Variants in NRG4 observed in about 807,000 individuals in gnomAD.
NRG4 encodes pro-neuregulin-4, membrane-bound isoform.
In NRG4, 10 loss-of-function variants were observed where a neutral mutation model predicts 15.0. The observed-to-expected ratio is 0.67, with a 90% CI of 0.41 to 1.13. The LOEUF (loss-of-function observed/expected upper bound fraction) is 1.13. Among genes scored for constraint, NRG4 ranks in the 50% most tolerant of loss-of-function variants. NRG4 has a pLI of 0.00. For synonymous variants in NRG4, 41 were observed against 50.1 expected (o/e 0.82, Z 0.77); for missense variants, 139 against 140.2 (o/e 0.99, Z 0.04).
intron 5 of NRG4, among the ~76,000 whole-genome samples, chr15:76,028,291 A>T (rs915596598): frequency 1.7e-4 from 26 of 151,986 alleles, no homozygotes; most frequent in African/African-American, 6.0e-4. Flanking sequence ...AACCCAAATT[A>T]AAAAAAATCA....
intron 5 of NRG4, among the ~76,000 whole-genome samples, chr15:75,955,302 A>T (rs2032172970): frequency 6.6e-6 from 1 of 152,116 alleles, no homozygotes; most frequent in African/African-American, 2.4e-5. Context: ...GGGGTCCCCC[A>T]CCTTGCACAA....
intron 5 of NRG4, among the ~76,000 whole-genome samples, chr15:75,944,834 A>G (rs886140671): frequency 6.6e-5 from 10 of 152,140 alleles, no homozygotes; most frequent in Non-Finnish European, 1.2e-4. Flanking sequence ...TCAACCTTGA[A>G]AAAACGGTCA....
chr15:76,051,862 T>C lies in NRG4; in HGVS notation c.-105+205A>G, dbSNP rs1047128783. On this transcript the variant is annotated intron_variant, in intron 4 of 8. Transcript: ENST00000563910. ...CTAGGATTACAGGCGTGAGCCACCG[T>C]GCCCAGCCTAATTGAACATACTTCT... 1.7e-4 allele frequency among the ~76,000 whole-genome samples: 25 copies of C among 151,032 alleles called. 2 individuals carry two copies. Among genetic ancestry groups the C allele is most frequent in the Admixed American group, 4.6e-4 (7 of 15,222 alleles).
chr15:75,967,641 TA>T (rs2032874785), intron 3 of NRG4, among the ~76,000 whole-genome samples: 1 of 151,954 alleles, frequency 6.6e-6, no homozygotes, highest in African/African-American at 2.4e-5. Context: ...TTTGTATTTT[TA>T]GTAGAGACGG....
upstream of NRG4, among the ~76,000 whole-genome samples, chr15:76,017,331 C>T (rs985354225): frequency 6.6e-6 from 1 of 151,872 alleles, no homozygotes; most frequent in African/African-American, 2.4e-5. Context: ...GGCATTTAGC[C>T]TGTTTACATT....
chr15:75,975,326 T>C (rs866780810), intron 3 of NRG4, among the ~76,000 whole-genome samples: 1 of 152,240 alleles, frequency 6.6e-6, no homozygotes, highest in Non-Finnish European at 1.5e-5. Flanking sequence ...TGTCTTTTAA[T>C]TGGGGCATTT....
At chr15:75,985,304 G>C (rs1285522225) in intron 3 of NRG4, among the ~76,000 whole-genome samples, 1 of 152,148 alleles carries the variant, frequency 6.6e-6, no homozygotes, top group Admixed American at 6.5e-5. Flanking sequence ...AAGATACATG[G>C]GATGAAGTCT....
intron 5 of NRG4, among the ~76,000 whole-genome samples, chr15:75,949,079 G>T (rs757588786): frequency 3.6e-4 from 55 of 152,182 alleles, no homozygotes; most frequent in African/African-American, 5.3e-4. Context: ...ACAATTCAAT[G>T]AATTTTAAAA....
At chr15:75,988,600 T>C (rs2033888806) in intron 3 of NRG4, among the ~76,000 whole-genome samples, 1 of 152,176 alleles carries the variant, frequency 6.6e-6, no homozygotes, top group African/African-American at 2.4e-5. Context: ...TACACATAGG[T>C]CTTTGCTGAA....
chr15:76,059,197 A>G (rs746797974), intron 1 of NRG4, among the ~76,000 whole-genome samples: 2 of 152,246 alleles, frequency 1.3e-5, no homozygotes, highest in Non-Finnish European at 2.9e-5. Context: ...ACGGAAAAAG[A>G]GGAGAAACAC....
intron 4 of NRG4, among the ~76,000 whole-genome samples, chr15:76,049,335 A>AT (rs2035944006): frequency 6.6e-6 from 1 of 150,562 alleles, no homozygotes; most frequent in Admixed American, 6.6e-5. Context: ...ACTTGTGTCT[A>AT]TTTTTTCTCC....
intron 4 of NRG4, among the ~76,000 whole-genome samples, chr15:76,047,545 T>C (rs1356723917): frequency 1.3e-5 from 2 of 150,602 alleles, no homozygotes; most frequent in African/African-American, 5.0e-5. Context: ...ATGTTCTCAC[T>C]CATATATAGA....
chr15:76,002,030 A>G (rs2034435686), intron 3 of NRG4, among the ~76,000 whole-genome samples: 1 of 152,226 alleles, frequency 6.6e-6, no homozygotes, highest in Non-Finnish European at 1.5e-5. Context: ...GCCAGAAAGG[A>G]TAAATGAAAT....
chr15:75,963,876 G>C (rs2032661459), intron 3 of NRG4, among the ~76,000 whole-genome samples: 1 of 151,876 alleles, frequency 6.6e-6, no homozygotes, highest in Admixed American at 6.6e-5. Flanking sequence ...CTAGGACTTT[G>C]AGGTTGCAGT....
intron 3 of NRG4, among the ~76,000 whole-genome samples, chr15:76,003,881 T>C (rs1312568449): frequency 6.6e-6 from 1 of 152,064 alleles, no homozygotes; most frequent in African/African-American, 2.4e-5. Flanking sequence ...CATTCCGAGA[T>C]AAAAGCTGAC....
chr15:75,948,311 T>C, intron 5 of NRG4, among the ~76,000 whole-genome samples: 1 of 141,126 alleles, frequency 7.1e-6, no homozygotes, highest in South Asian at 2.3e-4. Context: ...TCCACTTTAT[T>C]TATTTATTTA....
intron 3 of NRG4, among the ~76,000 whole-genome samples, chr15:75,966,300 G>A (rs2032792754): frequency 6.6e-6 from 1 of 152,222 alleles, no homozygotes; most frequent in South Asian, 2.1e-4. Flanking sequence ...TTACTGGACT[G>A]TGAACTGGAA....
intron 2 of NRG4, among the ~76,000 whole-genome samples, chr15:76,055,053 G>A (rs1175989745): frequency 6.6e-6 from 1 of 152,118 alleles, no homozygotes; most frequent in Non-Finnish European, 1.5e-5. Flanking sequence ...GCTGAGGTGG[G>A]TAGATCACTT....
chr15:76,000,697 T>C (rs2034381102), intron 3 of NRG4, among the ~76,000 whole-genome samples: 1 of 152,200 alleles, frequency 6.6e-6, no homozygotes, highest in South Asian at 2.1e-4. Context: ...TATAATTTCA[T>C]ACATGTGCAG....
Sources: allele counts gnomAD v4.1 joint callset (sites outside exome capture counted in the v4.1 genomes callset), GRCh38; gene constraint gnomAD v4.1.1; transcripts MANE v1.5; gene names NCBI Gene and HGNC (gene_info 2026-07-23, HGNC 2026-07-21).